GOLGA3: variants seen among roughly 807,000 people sequenced by gnomAD.
GOLGA3 encodes the protein golgin A3.
In GOLGA3, 75 loss-of-function variants were observed where a neutral mutation model predicts 169.4. The observed-to-expected ratio is 0.44, with a 90% CI of 0.37 to 0.54. The LOEUF is 0.54. Among genes scored for constraint, GOLGA3 ranks in the 20% least tolerant of loss-of-function variants. The probability of loss-of-function intolerance (pLI) is 0.00; values close to 1 mark genes in which losing one functional copy is unlikely to be tolerated. For missense variants in GOLGA3, 1,899 were observed against 1,930.0 expected (o/e 0.98, Z 0.30); for synonymous variants, 824 against 822.4 (o/e 1.00, Z -0.03).
intron 1 of GOLGA3, among the ~76,000 whole-genome samples, chr12:132,823,094 T>C (rs867795744): frequency 6.6e-6 from 1 of 152,182 alleles, no homozygotes; most frequent in South Asian, 2.1e-4. Context: ...GGTAACTCTA[T>C]ACAGGGTGTA....
At position 132,822,321 on chromosome 12, in the gene GOLGA3, G is replaced by A. The variant is rs1593401294; in HGVS notation, c.-183-10C>T. ...GCTAATATCATGATACCTGACAGGA[G>A]AGAGAGACAAAATGTATTATGAAAC... On this transcript the variant is annotated splice_polypyrimidine_tract_variant and intron_variant, in intron 1 of 23. Coordinates refer to ENST00000450791, the MANE Select transcript of GOLGA3 (RefSeq NM_001389683.1). 15 of 1,301,586 alleles carry A rather than the reference G, an allele frequency of 1.2e-5. No homozygotes were observed. The highest frequency in any genetic ancestry group is 1.5e-5 in the Non-Finnish European group (15 of 1,017,046). 80.6% of individuals were successfully genotyped at this position (1,301,586 alleles called of 1,614,324 possible). A position where few individuals can be genotyped will look rare whatever the true frequency, so the allele number is the denominator to read the frequency against.
Position 132,804,927 on chromosome 12 carries a change from C to A in GOLGA3, c.1386G>T (p.Arg462=), listed in dbSNP as rs753075001. ...QVECSHSSQQ[R]QDSLSSEVDT... ...CCACCTCCGAGCTCAGCGAATCCTG[C>A]CGCTGCTGGCTGCTGTGGCTGCACT... is the stretch of plus-strand genomic sequence containing the variant. The change falls in exon 7 of 24, where the codon CGG becomes CGT. Residue 462 remains arginine, a synonymous_variant. Transcript: ENST00000450791. The surrounding 1 kb of genome is among the most constrained non-coding windows in gnomAD (Gnocchi z 4.1). The A allele has an allele frequency of 4.3e-6, 7 of 1,613,680 alleles. No homozygotes were observed. The Admixed American group carries it at 1.2e-4, about 27-fold the overall frequency.
At chr12:132,798,179 TG>T (rs5801992) in intron 9 of GOLGA3, among the ~76,000 whole-genome samples, 160 bp downstream of exon 9, 437 of 37,716 alleles carry the variant, frequency 0.012, 20 homozygotes, top group Middle Eastern at 0.032. Flanking sequence ...GGATGAGGGG[TG>T]GGGGGGGGGT....
intron 1 of GOLGA3, 37 bp downstream of exon 1, chr12:132,828,766 C>G (rs1950529899): frequency 1.3e-5 from 2 of 151,908 alleles, no homozygotes; most frequent in African/African-American, 4.9e-5. Flanking sequence ...GAGCGGGAGC[C>G]CGAGCCCCGA....
chr12:132,820,638 C>T (rs1950165358), intron 2 of GOLGA3, among the ~76,000 whole-genome samples: 2 of 152,186 alleles, frequency 1.3e-5, no homozygotes, highest in African/African-American at 4.8e-5. Flanking sequence ...ACTGAACCTC[C>T]TGGCCAGGAA....
In GOLGA3 at chr12:132,777,871, C is replaced by T. The variant is rs1033599171; in HGVS notation, c.3583-66G>A. 7.0e-6 allele frequency: 11 copies of T among 1,565,456 alleles called. No individual in the cohort carries two copies. In the African/African-American group the frequency reaches 9.4e-5, roughly 13 times the overall value. ...ACCCACAGCTTTATGACGTGCCGGGCGCAGGGGGTGAATGCACTCCCGGCC... is the reference window on the plus strand; with the variant it reads ...ACCCACAGCTTTATGACGTGCCGGGTGCAGGGGGTGAATGCACTCCCGGCC... On this transcript the variant is annotated intron_variant, in intron 18 of 23. Coordinates refer to ENST00000450791, the MANE Select transcript of GOLGA3 (RefSeq NM_001389683.1). The surrounding 1 kb of genome is among the most constrained non-coding windows in gnomAD (Gnocchi z 4.7).
chr12:132,775,877 A>G (rs2045199485), intron 21 of GOLGA3, among the ~76,000 whole-genome samples: 1 of 152,250 alleles, frequency 6.6e-6, no homozygotes. Context: ...TTTATCGCAA[A>G]TTGGCAAACT....
At chr12:132,829,079 A>G (rs1950539167), upstream of GOLGA3, among the ~76,000 whole-genome samples, 1 of 152,184 alleles carries the variant, frequency 6.6e-6, no homozygotes, top group Non-Finnish European at 1.5e-5. Context: ...ACCTTTCCCT[A>G]GTAGAAACGC....
chr12:132,810,602 G>C lies in GOLGA3; in HGVS notation c.520-2053C>G, dbSNP rs2136643785. Among the ~76,000 whole-genome samples, 3 of 152,294 alleles carry C rather than the reference G, an allele frequency of 2.0e-5. No individual in the cohort carries two copies. In the Middle Eastern group the frequency reaches 0.01, roughly 518 times the overall value. ...GAGCTGAGGGGACACAGTGAGAAGT[G>C]ACCAGAAGACAAGTGCGAGCCTTCT... On this transcript the variant is annotated intron_variant, in intron 4 of 23. Coordinates refer to ENST00000450791, the MANE Select transcript of GOLGA3 (RefSeq NM_001389683.1).
chr12:132,781,420 G>A (rs1322420668), intron 17 of GOLGA3, among the ~76,000 whole-genome samples: 1 of 152,108 alleles, frequency 6.6e-6, no homozygotes, highest in African/African-American at 2.4e-5. Flanking sequence ...TTAGCTGGGC[G>A]CGGTGGTGCA....
At position 132,804,933 on chromosome 12, in the gene GOLGA3, C is replaced by T. The variant is rs778211838; in HGVS notation, c.1380G>A (p.Gln460=). 1 of 1,613,732 alleles carries T rather than the reference C, an allele frequency of 6.2e-7. No homozygotes were observed. The highest frequency in any genetic ancestry group is 8.5e-7 in the Non-Finnish European group (1 of 1,180,010). ...QAQVECSHSS[Q]QRQDSLSSEV... Reference sequence around the variant, plus strand: ...CCGAGCTCAGCGAATCCTGCCGCTGCTGGCTGCTGTGGCTGCACTCCACCT... The same window carrying T: ...CCGAGCTCAGCGAATCCTGCCGCTGTTGGCTGCTGTGGCTGCACTCCACCT... Residue 460 remains glutamine (Q), a synonymous_variant, in exon 7 of 24, where the codon CAG becomes CAA. Coordinates refer to ENST00000450791, the MANE Select transcript of GOLGA3 (RefSeq NM_001389683.1). The surrounding 1 kb of genome is among the most constrained non-coding windows in gnomAD (Gnocchi z 4.1).
At chr12:132,815,441 G>GA (rs891297843) in intron 3 of GOLGA3, among the ~76,000 whole-genome samples, 54 of 152,118 alleles carry the variant, frequency 3.5e-4, no homozygotes, top group African/African-American at 1.2e-3. Context: ...AAACTAAGTT[G>GA]AAAAAAATCA....
At chr12:132,796,325 G>T in intron 10 of GOLGA3, 105 bp from the exon 11 acceptor site, 1 of 1,378,740 alleles carries the variant, frequency 7.3e-7, no homozygotes, top group Admixed American at 2.4e-5. Context: ...ACTATGGAGG[G>T]TCTTTTTTTC....
chr12:132,797,553 A>T (rs1948909176), intron 9 of GOLGA3, among the ~76,000 whole-genome samples: 1 of 152,214 alleles, frequency 6.6e-6, no homozygotes, highest in Admixed American at 6.5e-5. Flanking sequence ...TCTACTAAAA[A>T]TACAAAAAAT....
At position 132,809,530 on chromosome 12, in the gene GOLGA3, G is replaced by GCGTCTTCC. The variant is rs537306367; in HGVS notation, c.520-989_520-982dup. Among the ~76,000 whole-genome samples the GCGTCTTCC allele has an allele frequency of 2.9e-3, 442 of 151,670 alleles. 10 individuals are homozygous for GCGTCTTCC. The East Asian group carries it at 0.054, about 19-fold the overall frequency. On this transcript the variant is annotated intron_variant, in intron 4 of 23. Coordinates refer to ENST00000450791, the MANE Select transcript of GOLGA3 (RefSeq NM_001389683.1). ...TGGACCACGATCCGCCTGGTAACGGGCGTCTTCCCGTCTTCCCAGACACTG... is the reference window on the plus strand; with the variant it reads ...TGGACCACGATCCGCCTGGTAACGGGCGTCTTCCCGTCTTCCCGTCTTCCCAGACACTG...
intron 8 of GOLGA3, among the ~76,000 whole-genome samples, chr12:132,800,135 T>C (rs1949062923): frequency 6.6e-6 from 1 of 152,238 alleles, no homozygotes; most frequent in South Asian, 2.1e-4. Flanking sequence ...TTAATTTGTA[T>C]ACTGATTTGT....
intron 3 of GOLGA3, among the ~76,000 whole-genome samples, chr12:132,815,223 T>C (rs572313712): frequency 2.0e-5 from 3 of 152,362 alleles, no homozygotes; most frequent in African/African-American, 7.2e-5. Context: ...TTCAGGCCTA[T>C]GGCCACCAGG....
At chr12:132,798,167 AG>A (rs572789295) in intron 9 of GOLGA3, among the ~76,000 whole-genome samples, 172 bp downstream of exon 9, 14 of 4,614 alleles carry the variant, frequency 3.0e-3, no homozygotes, top group African/African-American at 0.012. Context: ...CCCACAGGTG[AG>A]GGATGAGGGG....
chr12:132,775,116 C>T, intron 22 of GOLGA3, 25 bp downstream of exon 22: 6 of 1,605,458 alleles, frequency 3.7e-6, no homozygotes, highest in Non-Finnish European at 5.1e-6. Flanking sequence ...GTCGGCTACC[C>T]CGGGAGGGAC....
Sources: allele counts gnomAD v4.1 joint callset (sites outside exome capture counted in the v4.1 genomes callset), GRCh38; gene constraint gnomAD v4.1.1; non-coding constraint Gnocchi (gnomAD v3.1); transcripts MANE v1.5; gene names NCBI Gene and HGNC (gene_info 2026-07-23, HGNC 2026-07-21).